Variants in RAB38 observed in about 807,000 individuals in gnomAD.
The protein encoded by RAB38 is RAB38, member RAS oncogene family, also known as ras-related protein Rab-38.
A neutral mutation model predicts 18.4 loss-of-function variants in RAB38; 15 were observed. The observed-to-expected ratio is 0.82, with a 90% CI of 0.55 to 1.26. The LOEUF (loss-of-function observed/expected upper bound fraction) is 1.26. Among genes scored for constraint, RAB38 ranks in the 50% most tolerant of loss-of-function variants. The probability of loss-of-function intolerance (pLI) is 0.00; values close to 1 mark genes in which losing one functional copy is unlikely to be tolerated. For synonymous variants in RAB38, 101 were observed against 104.4 expected, an observed-to-expected ratio of 0.97 and a Z score of 0.20; for missense variants, 294 against 267.4, an observed-to-expected ratio of 1.10 and a Z score of -0.69.
the RAB38 span, among the ~76,000 whole-genome samples, chr11:87,848,525 A>G: frequency 6.6e-6 from 1 of 151,138 alleles, no homozygotes; most frequent in Non-Finnish European, 1.5e-5. Context: ...AACTTATTCT[A>G]TTTCGCTCTC....
At chr11:88,026,562 CAAAAAAAA>C in the RAB38 span, among the ~76,000 whole-genome samples, 1 of 54,252 alleles carries the variant, frequency 1.8e-5, no homozygotes, top group Non-Finnish European at 3.4e-5. Context: ...GACTCTGTCA[CAAAAAAAA>C]AAAAAAAAAA....
the RAB38 span, among the ~76,000 whole-genome samples, chr11:87,919,371 T>C: frequency 6.7e-6 from 1 of 148,194 alleles, no homozygotes; most frequent in Non-Finnish European, 1.5e-5. Flanking sequence ...ATCATAGTTT[T>C]TTTTTATTTT....
the RAB38 span, among the ~76,000 whole-genome samples, chr11:87,873,922 G>GTGTGTATATATATATATATATATA: frequency 1.2e-3 from 127 of 103,024 alleles, 2 homozygotes; most frequent in South Asian, 3.7e-3. Context: ...GTGTGTGTGT[G>GTGTGTATATATATATATATATATA]TATATATATA....
chr11:87,964,984 C>T, the RAB38 span, among the ~76,000 whole-genome samples: 4 of 152,284 alleles, frequency 2.6e-5, no homozygotes, highest in Middle Eastern at 6.8e-3. Flanking sequence ...GGCAGAGTTT[C>T]TCTGCCTTAG....
At chr11:87,956,220 TATG>T in the RAB38 span, among the ~76,000 whole-genome samples, 1 of 152,212 alleles carries the variant, frequency 6.6e-6, no homozygotes, top group Admixed American at 6.5e-5. Flanking sequence ...AAAGGACTAT[TATG>T]AAGAATAAAA....
the RAB38 span, chr11:87,816,217 A>T: frequency 6.6e-6 from 1 of 152,398 alleles, no homozygotes; most frequent in Non-Finnish European, 1.5e-5. Flanking sequence ...TAGTCCATGT[A>T]GCAATAATGG....
the RAB38 span, among the ~76,000 whole-genome samples, chr11:88,085,327 AAGGC>A: frequency 6.6e-6 from 1 of 151,914 alleles, no homozygotes; most frequent in East Asian, 1.9e-4. Flanking sequence ...TAGGTTTCCC[AAGGC>A]AAAATTGGGT....
the RAB38 span, among the ~76,000 whole-genome samples, chr11:88,081,269 C>T: frequency 2.0e-5 from 3 of 151,922 alleles, no homozygotes; most frequent in Admixed American, 6.6e-5. Context: ...TGTTATACTA[C>T]CCAGCAATCC....
At chr11:88,128,524 G>C (rs1348230295) in intron 2 of RAB38, among the ~76,000 whole-genome samples, 2 of 152,198 alleles carry the variant, frequency 1.3e-5, no homozygotes, top group African/African-American at 4.8e-5. Context: ...AGGAGTAACA[G>C]AATTGCTGAA....
the RAB38 span, among the ~76,000 whole-genome samples, chr11:88,079,814 T>G: frequency 6.6e-6 from 1 of 151,656 alleles, no homozygotes; most frequent in African/African-American, 2.4e-5. Flanking sequence ...TCTCGGTAGA[T>G]GCACAAAAAT....
the RAB38 span, among the ~76,000 whole-genome samples, chr11:87,931,850 C>T: frequency 6.6e-6 from 1 of 151,700 alleles, no homozygotes; most frequent in Non-Finnish European, 1.5e-5. Context: ...TGTGTGTTCT[C>T]TGACTAACGA....
At chr11:87,907,017 G>A in the RAB38 span, among the ~76,000 whole-genome samples, 1 of 151,860 alleles carries the variant, frequency 6.6e-6, no homozygotes, top group African/African-American at 2.4e-5. Flanking sequence ...TAATAAGGCT[G>A]TAAGAATCAT....
At chr11:88,068,014 T>A in the RAB38 span, among the ~76,000 whole-genome samples, 1 of 148,306 alleles carries the variant, frequency 6.7e-6, no homozygotes, top group Non-Finnish European at 1.5e-5. Flanking sequence ...TACATATATT[T>A]TATATATATA....
At chr11:87,858,098 C>T in the RAB38 span, among the ~76,000 whole-genome samples, 7,922 of 152,170 alleles carry the variant, frequency 0.052, 281 homozygotes, top group African/African-American at 0.11. Flanking sequence ...CCAGTTTTCC[C>T]AGCACCATTT....
the RAB38 span, among the ~76,000 whole-genome samples, chr11:87,959,761 G>A: frequency 6.6e-6 from 1 of 152,108 alleles, no homozygotes; most frequent in Non-Finnish European, 1.5e-5. Flanking sequence ...CAGGCAAGAA[G>A]CTTGACATAG....
the RAB38 span, chr11:87,817,012 CTTAGA>C: frequency 6.6e-6 from 1 of 152,018 alleles, no homozygotes; most frequent in Non-Finnish European, 1.5e-5. Context: ...TTATGTCATC[CTTAGA>C]TTAATTTTAT....
At chr11:87,880,999 C>A in the RAB38 span, among the ~76,000 whole-genome samples, 1 of 151,744 alleles carries the variant, frequency 6.6e-6, no homozygotes, top group Non-Finnish European at 1.5e-5. Flanking sequence ...TTTGTTTTAG[C>A]AACAGGATCT....
At chr11:87,842,618 C>G in the RAB38 span, among the ~76,000 whole-genome samples, 9 of 152,276 alleles carry the variant, frequency 5.9e-5, no homozygotes, top group Admixed American at 2.6e-4. Flanking sequence ...TAAATGTGCT[C>G]TTTAATCACC....
At chr11:88,106,981 G>C in the RAB38 span, among the ~76,000 whole-genome samples, 1 of 151,932 alleles carries the variant, frequency 6.6e-6, no homozygotes, top group African/African-American at 2.4e-5. Flanking sequence ...GAAGAGCAGC[G>C]ATAAAGAGGC....
Sources: allele counts gnomAD v4.1 joint callset (sites outside exome capture counted in the v4.1 genomes callset), GRCh38; gene constraint gnomAD v4.1.1; transcripts MANE v1.5; gene names NCBI Gene and HGNC (gene_info 2026-07-23, HGNC 2026-07-21).